Variants in TLL1 observed in about 807,000 individuals in gnomAD.
The protein encoded by TLL1 is tolloid like 1.
In TLL1, 49 loss-of-function variants were observed where a neutral mutation model predicts 128.2. The ratio of observed to expected loss-of-function variants is 0.38; its 90% CI spans 0.30 to 0.48. The LOEUF (loss-of-function observed/expected upper bound fraction) is 0.48, where lower values mean the gene tolerates loss of function less well. Ranked by LOEUF, TLL1 falls within the 20% of genes least tolerant of loss-of-function variation. The pLI, the probability that TLL1 is intolerant of heterozygous loss-of-function variation, is 0.96. For missense variants in TLL1, 1,123 were observed against 1,242.0 expected (o/e 0.90, Z 1.44); for synonymous variants, 454 against 418.8 (o/e 1.08, Z -1.03).
Position 165,873,897 on chromosome 4 carries a change from G to A in TLL1, c.-8G>A, listed in dbSNP as rs72984286. ...TCCCGTCCCCTCCTTTTCCTCCGGGGGAGGAGGATGGGGTTGGGAACGCTT... is the reference window on the plus strand; with the variant it reads ...TCCCGTCCCCTCCTTTTCCTCCGGGAGAGGAGGATGGGGTTGGGAACGCTT... On this transcript the variant is annotated 5_prime_UTR_variant, in exon 1 of 21. Coordinates refer to ENST00000061240, the MANE Select transcript of TLL1 (RefSeq NM_012464.5). 4 of 1,613,594 alleles carry A rather than the reference G, an allele frequency of 2.5e-6. No homozygotes were observed. Among genetic ancestry groups the A allele is most frequent in the African/African-American group, 1.3e-5 (1 of 75,026 alleles).
chr4:166,072,585 T>C (rs1740843362), intron 16 of TLL1, among the ~76,000 whole-genome samples: 1 of 152,012 alleles, frequency 6.6e-6, no homozygotes, highest in African/African-American at 2.4e-5. Context: ...AGGTCAGTTT[T>C]TTTTTTAACA....
At chr4:165,968,026 T>C (rs1378349680) in intron 1 of TLL1, among the ~76,000 whole-genome samples, 2 of 152,164 alleles carry the variant, frequency 1.3e-5, no homozygotes, top group African/African-American at 2.4e-5. Flanking sequence ...TGAACTTCAG[T>C]TATCTTTACA....
intron 1 of TLL1, among the ~76,000 whole-genome samples, chr4:165,887,770 A>G (rs1731228185): frequency 1.3e-5 from 2 of 152,202 alleles, no homozygotes; most frequent in African/African-American, 2.4e-5. Flanking sequence ...TTTTTATAAT[A>G]TTGAACATTC....
At chr4:165,897,225 G>T (rs1315014528) in intron 1 of TLL1, among the ~76,000 whole-genome samples, 1 of 152,076 alleles carries the variant, frequency 6.6e-6, no homozygotes, top group Non-Finnish European at 1.5e-5. Flanking sequence ...AAGCTCTTTA[G>T]TTTAATTAGA....
intron 19 of TLL1, among the ~76,000 whole-genome samples, chr4:166,097,579 G>A (rs941012445): frequency 4.6e-5 from 7 of 152,094 alleles, no homozygotes; most frequent in Middle Eastern, 3.4e-3. Context: ...GATTTGCTTG[G>A]GCACACATGA....
chr4:166,074,326 A>G (rs949285340), intron 16 of TLL1, among the ~76,000 whole-genome samples: 8 of 151,290 alleles, frequency 5.3e-5, no homozygotes, highest in African/African-American at 1.7e-4. Flanking sequence ...CAAATTCATT[A>G]ATGCTAAGCA....
rs1361508031 is a variant in TLL1, at chr4:166,083,802, G to C, written c.2442+5772G>C. The stretch of plus-strand genomic sequence containing the variant: ...CCGTTCATCCACTGATGGACACTTA[G>C]GTTCATTCCGTATCTTGGCTATTGT... On this transcript the variant is annotated intron_variant, in intron 18 of 20. Coordinates refer to ENST00000061240, the MANE Select transcript of TLL1 (RefSeq NM_012464.5). Among the ~76,000 whole-genome samples the C allele has an allele frequency of 2.6e-5, 4 of 152,112 alleles. 1 individual carries two copies. In the South Asian group the frequency reaches 6.2e-4, roughly 24 times the overall value.
At chr4:165,995,576 T>C (rs1240864462) in intron 5 of TLL1, among the ~76,000 whole-genome samples, 1 of 152,236 alleles carries the variant, frequency 6.6e-6, no homozygotes, top group African/African-American at 2.4e-5. Flanking sequence ...CATTCACGTA[T>C]TTATCATCTC....
At chr4:166,009,909 G>A (rs1228664268) in intron 7 of TLL1, among the ~76,000 whole-genome samples, 2 of 151,192 alleles carry the variant, frequency 1.3e-5, no homozygotes, top group African/African-American at 2.4e-5. Context: ...TGACATTACT[G>A]TAAAACAGAT....
At chr4:165,973,854 T>A (rs1311054334) in intron 1 of TLL1, among the ~76,000 whole-genome samples, 2 of 151,914 alleles carry the variant, frequency 1.3e-5, no homozygotes, top group Non-Finnish European at 2.9e-5. Context: ...TTAATAGAGA[T>A]GGGGTTTCAC....
chr4:166,055,417 T>G, intron 13 of TLL1, 146 bp downstream of exon 13: 1 of 731,656 alleles, frequency 1.4e-6, no homozygotes, highest in South Asian at 1.8e-5. Context: ...ATAGAAAAGG[T>G]TATTAATAAA....
chr4:166,051,786 C>T (rs1188345820), intron 12 of TLL1, among the ~76,000 whole-genome samples: 1 of 152,074 alleles, frequency 6.6e-6, no homozygotes, highest in Non-Finnish European at 1.5e-5. Flanking sequence ...GTAGATGAGG[C>T]ACATATTATT....
intron 1 of TLL1, among the ~76,000 whole-genome samples, chr4:165,947,410 C>A (rs1402537998): frequency 6.6e-6 from 1 of 152,042 alleles, no homozygotes; most frequent in Non-Finnish European, 1.5e-5. Context: ...GTCCGTAACA[C>A]CTGGCTTCTT....
At chr4:166,077,166 G>A (rs778966275) in intron 17 of TLL1, among the ~76,000 whole-genome samples, 1 of 151,282 alleles carries the variant, frequency 6.6e-6, no homozygotes, top group African/African-American at 2.4e-5. Flanking sequence ...GATATTAAAT[G>A]TTTTTGAAAT....
At chr4:166,069,238 T>C (rs556017471) in intron 16 of TLL1, among the ~76,000 whole-genome samples, 29 of 151,812 alleles carry the variant, frequency 1.9e-4, no homozygotes, top group Admixed American at 4.0e-4. Flanking sequence ...TAATATATTG[T>C]ATACATTAAT....
At chr4:165,955,612 T>C (rs547522815) in intron 1 of TLL1, among the ~76,000 whole-genome samples, 2 of 152,230 alleles carry the variant, frequency 1.3e-5, no homozygotes, top group African/African-American at 4.8e-5. Context: ...GGCTACAAGC[T>C]AGAAGAGACT....
intron 18 of TLL1, among the ~76,000 whole-genome samples, chr4:166,081,543 C>T (rs1741282690): frequency 6.6e-6 from 1 of 152,054 alleles, no homozygotes; most frequent in Non-Finnish European, 1.5e-5. Flanking sequence ...TAGTTCTATC[C>T]TCTTCTCCTC....
chr4:165,984,142 C>A (rs887272962), intron 1 of TLL1, among the ~76,000 whole-genome samples: 4 of 151,810 alleles, frequency 2.6e-5, no homozygotes, highest in Non-Finnish European at 5.9e-5. Context: ...AGGAATTTAA[C>A]AAAGACACAT....
chr4:165,903,514 G>T (rs1417500021), intron 1 of TLL1, among the ~76,000 whole-genome samples: 1 of 148,194 alleles, frequency 6.7e-6, no homozygotes, highest in Non-Finnish European at 1.5e-5. Flanking sequence ...CTGGGTTCAA[G>T]CGATTCTTCT....
Sources: allele counts gnomAD v4.1 joint callset (sites outside exome capture counted in the v4.1 genomes callset), GRCh38; gene constraint gnomAD v4.1.1; transcripts MANE v1.5; gene names NCBI Gene and HGNC (gene_info 2026-07-23, HGNC 2026-07-21).